The following SH3PXD2A variants were observed in gnomAD, a reference collection of about 807,000 sequenced individuals.
The protein encoded by SH3PXD2A is SH3 and PX domains 2A, also known as SH3 and PX domain-containing protein 2A.
Under a neutral mutation model 115.2 loss-of-function variants are expected in SH3PXD2A, and 32 were observed. The observed-to-expected ratio is 0.28, with a 90% confidence interval of 0.21 to 0.37. SH3PXD2A has a LOEUF of 0.37. SH3PXD2A is among the 10% of genes least tolerant of loss of function. The pLI is 1.00. For synonymous variants in SH3PXD2A, 610 were observed against 629.1 expected (o/e 0.97, Z 0.45); for missense variants, 1,328 against 1,498.7 (o/e 0.89, Z 1.88).
chr10:103,846,688 G>T (rs114916030), intron 1 of SH3PXD2A, among the ~76,000 whole-genome samples: 1,741 of 152,356 alleles, frequency 0.011, 39 homozygotes, highest in African/African-American at 0.039. Flanking sequence ...TTCTAGATGG[G>T]CAAATGTAGT....
chr10:103,772,681 C>T (rs2134231989), intron 2 of SH3PXD2A, among the ~76,000 whole-genome samples: 2 of 152,330 alleles, frequency 1.3e-5, no homozygotes, highest in East Asian at 1.9e-4. Flanking sequence ...CGGCAGCTCT[C>T]CCAGGGCAGG....
At chr10:103,653,394 G>A (rs954962731) in intron 8 of SH3PXD2A, among the ~76,000 whole-genome samples, 4 of 152,238 alleles carry the variant, frequency 2.6e-5, no homozygotes, top group African/African-American at 9.6e-5. Context: ...GCCAGGTATT[G>A]CCCTGAGGCT....
At chr10:103,715,861 C>T (rs375651437) in intron 5 of SH3PXD2A, among the ~76,000 whole-genome samples, 197 of 152,348 alleles carry the variant, frequency 1.3e-3, no homozygotes, top group African/African-American at 3.9e-3. Flanking sequence ...CCTTGCCCCT[C>T]GTCTTCCTAC....
chr10:103,831,344 T>C (rs947871765), intron 1 of SH3PXD2A, among the ~76,000 whole-genome samples: 2 of 152,334 alleles, frequency 1.3e-5, no homozygotes, highest in South Asian at 4.1e-4. Flanking sequence ...TGGTAGCCAT[T>C]AGGGCTGTTC....
chr10:103,731,134 A>G (rs2038314368), intron 4 of SH3PXD2A, among the ~76,000 whole-genome samples: 1 of 151,090 alleles, frequency 6.6e-6, no homozygotes, highest in African/African-American at 2.4e-5. Context: ...TCTCGGGGGC[A>G]GCAGGACTCC....
intron 2 of SH3PXD2A, among the ~76,000 whole-genome samples, chr10:103,785,727 T>C (rs1317923458): frequency 1.3e-5 from 2 of 151,902 alleles, no homozygotes; most frequent in Non-Finnish European, 1.5e-5. Flanking sequence ...GCAGGTTTCC[T>C]CCCCTGCAAG....
intron 8 of SH3PXD2A, among the ~76,000 whole-genome samples, chr10:103,639,945 G>A (rs1053549833): frequency 2.0e-5 from 3 of 152,198 alleles, no homozygotes; most frequent in African/African-American, 7.2e-5. Flanking sequence ...CATTCTCAGA[G>A]GTGGAGCCCT....
intron 3 of SH3PXD2A, among the ~76,000 whole-genome samples, chr10:103,752,682 TTC>T (rs1349181131): frequency 1.3e-5 from 2 of 152,240 alleles, no homozygotes; most frequent in Non-Finnish European, 2.9e-5. Context: ...AAAGGAAAAC[TTC>T]TCAGTTTTCG....
At chr10:103,801,216 G>T (rs1190298853) in intron 2 of SH3PXD2A, 66 bp downstream of exon 2, 2 of 944,712 alleles carry the variant, frequency 2.1e-6, no homozygotes, top group Non-Finnish European at 3.5e-6. Flanking sequence ...CTGGATAAGC[G>T]AGGGTATGAG....
intron 2 of SH3PXD2A, among the ~76,000 whole-genome samples, chr10:103,798,474 G>C (rs564405618): frequency 6.6e-6 from 1 of 152,154 alleles, no homozygotes; most frequent in Non-Finnish European, 1.5e-5. Context: ...CACCTCGCTA[G>C]TTCTTCACTG....
chr10:103,690,493 C>A (rs1039900650), intron 6 of SH3PXD2A, among the ~76,000 whole-genome samples: 6 of 152,046 alleles, frequency 3.9e-5, no homozygotes, highest in African/African-American at 1.2e-4. Context: ...GCAGCTGAGT[C>A]CAAAGGCAGC....
chr10:103,706,398 C>T (rs768757051), intron 5 of SH3PXD2A, among the ~76,000 whole-genome samples: 5 of 152,186 alleles, frequency 3.3e-5, no homozygotes, highest in African/African-American at 7.2e-5. Flanking sequence ...GCAGTGATGC[C>T]GGACCAATGC....
intron 1 of SH3PXD2A, among the ~76,000 whole-genome samples, chr10:103,810,460 C>T (rs1432706789): frequency 6.6e-6 from 1 of 152,062 alleles, no homozygotes; most frequent in African/African-American, 2.4e-5. Flanking sequence ...GACCAGAGGC[C>T]GTCTTGGCTT....
chr10:103,753,971 C>G (rs1349198957), intron 3 of SH3PXD2A: 1 of 152,180 alleles, frequency 6.6e-6, no homozygotes, highest in Non-Finnish European at 1.5e-5. Flanking sequence ...GCCATCTTCA[C>G]CAACTACCAA....
At chr10:103,800,963 G>A (rs965133739) in intron 2 of SH3PXD2A, among the ~76,000 whole-genome samples, 3 of 152,242 alleles carry the variant, frequency 2.0e-5, no homozygotes, top group Non-Finnish European at 2.9e-5. Flanking sequence ...ATAGACACAC[G>A]TCTGGTCAGG....
intron 1 of SH3PXD2A, among the ~76,000 whole-genome samples, chr10:103,824,752 A>G (rs952825218): frequency 2.0e-5 from 3 of 152,168 alleles, no homozygotes; most frequent in Non-Finnish European, 4.4e-5. Flanking sequence ...TCACCTGTGT[A>G]GACCAGGTGT....
intron 2 of SH3PXD2A, among the ~76,000 whole-genome samples, chr10:103,792,592 A>C (rs1234986208): frequency 6.6e-6 from 1 of 152,234 alleles, no homozygotes; most frequent in African/African-American, 2.4e-5. Flanking sequence ...CCCATTATAC[A>C]GATGAGAAAT....
intron 2 of SH3PXD2A, among the ~76,000 whole-genome samples, chr10:103,799,554 G>A (rs2039127755): frequency 6.6e-6 from 1 of 152,274 alleles, no homozygotes; most frequent in Non-Finnish European, 1.5e-5. Flanking sequence ...CTCCAGGCAA[G>A]GGAGGTGGTG....
At chr10:103,804,810 G>A (rs1452986960) in intron 1 of SH3PXD2A, among the ~76,000 whole-genome samples, 1 of 152,046 alleles carries the variant, frequency 6.6e-6, no homozygotes, top group African/African-American at 2.4e-5. Context: ...ACCGACTGAC[G>A]GTGAGGACCC....
Sources: allele counts gnomAD v4.1 joint callset (sites outside exome capture counted in the v4.1 genomes callset), GRCh38; gene constraint gnomAD v4.1.1; transcripts MANE v1.5; gene names NCBI Gene and HGNC (gene_info 2026-07-23, HGNC 2026-07-21).